The following P2RY6 variants were observed in gnomAD, a reference collection of about 807,000 sequenced individuals.
P2RY6 encodes pyrimidinergic receptor P2Y6.
In P2RY6, 19 loss-of-function variants were observed where a neutral mutation model predicts 16.3. That is an observed-to-expected ratio of 1.16 (90% CI 0.81 to 1.71). The LOEUF (loss-of-function observed/expected upper bound fraction) is 1.71. Among genes scored for constraint, P2RY6 ranks in the 40% most tolerant of loss-of-function variants. The pLI, the probability that P2RY6 is intolerant of heterozygous loss-of-function variation, is 0.00. For synonymous variants in P2RY6, 184 were observed against 201.5 expected, an observed-to-expected ratio of 0.91 and a Z score of 0.74; for missense variants, 389 against 455.5, an observed-to-expected ratio of 0.85 and a Z score of 1.33.
rs60848410 is a variant in P2RY6 at position 73,297,304 on chromosome 11, C to T, written c.786C>T (p.Tyr262=). The T allele has an allele frequency of 2.1e-3, 3,316 of 1,609,668 alleles. 67 individuals carry two copies. In the African/African-American group the frequency reaches 0.039, roughly 19 times the overall value. ...CTTTTCACATCACCAAGACAGCCTA[C>T]CTGGCAGTGCGCTCGACGCCGGGCG... The part of the protein sequence containing the change: ...FLPFHITKTA[Y]LAVRSTPGVP... The change falls in exon 3 of 3, where the codon TAC becomes TAT. Residue 262 remains tyrosine (Y), a synonymous_variant. Coordinates refer to ENST00000540124, the MANE Select transcript of P2RY6 (RefSeq NM_001277204.2).
At chr11:73,279,720 G>A (rs1039161531) in intron 1 of P2RY6, among the ~76,000 whole-genome samples, 1 of 152,174 alleles carries the variant, frequency 6.6e-6, no homozygotes, top group Non-Finnish European at 1.5e-5. Context: ...AATTCCTGGG[G>A]CAAACTCTAA....
At chr11:73,292,922 T>TGAGTGTC in intron 1 of P2RY6, 1 of 955,830 alleles carries the variant, frequency 1.0e-6, no homozygotes, top group Non-Finnish European at 1.2e-6. Context: ...AGGCTGCCTG[T>TGAGTGTC]GAGTGTCAGT....
At chr11:73,278,102 T>C (rs1396673279) in intron 1 of P2RY6, among the ~76,000 whole-genome samples, 1 of 152,208 alleles carries the variant, frequency 6.6e-6, no homozygotes, top group Non-Finnish European at 1.5e-5. Context: ...TATACGCACA[T>C]TGTTGTGCAG....
chr11:73,273,837 G>A (rs1424727692), intron 1 of P2RY6, among the ~76,000 whole-genome samples: 1 of 152,016 alleles, frequency 6.6e-6, no homozygotes, highest in African/African-American at 2.4e-5. Context: ...TTTTTATTTT[G>A]GGATTTTTAT....
At chr11:73,269,924 T>C (rs1863234189), upstream of P2RY6, 1 of 152,338 alleles carries the variant, frequency 6.6e-6, no homozygotes, top group Admixed American at 6.5e-5. Flanking sequence ...TCCTGTCAGC[T>C]GGCTGGGAGC....
chr11:73,288,308 T>C (rs534398821), intron 1 of P2RY6, among the ~76,000 whole-genome samples: 8 of 152,188 alleles, frequency 5.3e-5, no homozygotes, highest in Non-Finnish European at 1.2e-4. Context: ...TTGAAGAGGC[T>C]GGAGAGAAAC....
intron 1 of P2RY6, among the ~76,000 whole-genome samples, chr11:73,274,788 G>A (rs1863465620): frequency 6.6e-6 from 1 of 152,188 alleles, no homozygotes; most frequent in Non-Finnish European, 1.5e-5. Context: ...TACAGCAGAG[G>A]ACCCGGGGCC....
chr11:73,297,337 C>G lies in P2RY6; in HGVS notation c.819C>G (p.Cys273Trp). ...LAVRSTPGVP[C>W]TVLEAFAAAY... is the part of the protein sequence containing the mutation. ...TGCGCTCGACGCCGGGCGTCCCCTG[C>G]ACTGTATTGGAGGCCTTTGCAGCGG... Residue 273 changes from cysteine to tryptophan, a missense_variant, in exon 3 of 3, where the codon TGC (cysteine) becomes TGG (tryptophan). Coordinates refer to ENST00000540124, the MANE Select transcript of P2RY6 (RefSeq NM_001277204.2). The G allele has an allele frequency of 6.2e-7, 1 of 1,612,292 alleles. No individual in the cohort carries two copies. The highest frequency in any genetic ancestry group is 8.5e-7 in the Non-Finnish European group (1 of 1,179,908).
rs954395422 is a variant in P2RY6, at chr11:73,295,820, G to A, written c.-35+5G>A. 3.1e-6 allele frequency: 3 copies of A among 980,420 alleles called. No individual in the cohort carries two copies. The highest frequency in any genetic ancestry group is 3.6e-6 in the Non-Finnish European group (3 of 825,566). The allele number at this position is 980,420 out of a possible 1,614,324, so 60.7% of individuals were successfully genotyped here. ...GCGGTCCTCAGTGAGCCCCTGGTGT[G>A]TGGACCCTTCGCATTGGTTAACTAA... is the stretch of plus-strand genomic sequence containing the variant. On this transcript the variant is annotated splice_donor_5th_base_variant and intron_variant, in intron 2 of 2. Transcript: ENST00000540124.
intron 1 of P2RY6, among the ~76,000 whole-genome samples, chr11:73,289,628 G>A (rs1407524268): frequency 1.3e-5 from 2 of 152,270 alleles, no homozygotes; most frequent in East Asian, 1.9e-4. Flanking sequence ...TGACGGAACG[G>A]GGCTGGCTGT....
intron 1 of P2RY6, among the ~76,000 whole-genome samples, chr11:73,277,855 T>C (rs1476346033): frequency 6.6e-6 from 1 of 152,334 alleles, no homozygotes; most frequent in South Asian, 2.1e-4. Context: ...TCTACAGATA[T>C]CCTCGAAAAG....
At chr11:73,282,343 T>C (rs1863798813) in intron 1 of P2RY6, among the ~76,000 whole-genome samples, 1 of 152,200 alleles carries the variant, frequency 6.6e-6, no homozygotes, top group Non-Finnish European at 1.5e-5. Flanking sequence ...GAAAGGGATC[T>C]CCCAATGAGG....
chr11:73,271,596 G>A (rs949062578), upstream of P2RY6: 6 of 152,192 alleles, frequency 3.9e-5, no homozygotes, highest in African/African-American at 1.4e-4. Flanking sequence ...GGAATCTATA[G>A]ATAACAACAG....
intron 1 of P2RY6, among the ~76,000 whole-genome samples, chr11:73,273,482 C>A (rs1166857364): frequency 6.6e-6 from 1 of 152,104 alleles, no homozygotes; most frequent in East Asian, 1.9e-4. Context: ...GTGTGTGTGA[C>A]TGGCTGGGTG....
chr11:73,284,928 G>A (rs554695038), intron 1 of P2RY6, among the ~76,000 whole-genome samples: 1 of 152,300 alleles, frequency 6.6e-6, no homozygotes, highest in African/African-American at 2.4e-5. Flanking sequence ...GATTTTAAAT[G>A]CTAAGGAGAA....
upstream of P2RY6, chr11:73,270,269 C>T (rs1390873338): frequency 2.0e-5 from 3 of 152,252 alleles, no homozygotes; most frequent in African/African-American, 4.8e-5. Context: ...TTGACCAAAA[C>T]TCTCATGAGC....
At chr11:73,269,541 G>T (rs1863217346), upstream of P2RY6, among the ~76,000 whole-genome samples, 1 of 152,204 alleles carries the variant, frequency 6.6e-6, no homozygotes, top group South Asian at 2.1e-4. Flanking sequence ...GGAGCAGCAT[G>T]TGTGTGGAGC....
At chr11:73,291,920 C>T (rs765165066) in intron 1 of P2RY6, among the ~76,000 whole-genome samples, 9 of 152,248 alleles carry the variant, frequency 5.9e-5, no homozygotes, top group Admixed American at 6.5e-5. Flanking sequence ...TTTCCCCACA[C>T]CATCCTCCCA....
At chr11:73,269,772 CTG>C (rs1405366275), upstream of P2RY6, 1 of 152,286 alleles carries the variant, frequency 6.6e-6, no homozygotes, top group African/African-American at 2.4e-5. Context: ...GGGGGCCTGA[CTG>C]GGGTTGGTGG....
Sources: allele counts gnomAD v4.1 joint callset (sites outside exome capture counted in the v4.1 genomes callset), GRCh38; gene constraint gnomAD v4.1.1; transcripts MANE v1.5; gene names NCBI Gene and HGNC (gene_info 2026-07-23, HGNC 2026-07-21).